INSR: variants seen among roughly 807,000 people sequenced by gnomAD.
INSR encodes the protein IR.
INSR carries 67 observed loss-of-function variants against 142.6 expected under a neutral mutation model. That is an observed-to-expected ratio of 0.47 (90% CI 0.39 to 0.58). The LOEUF is 0.58. Among genes scored for constraint, INSR ranks in the 20% least tolerant of loss-of-function variants. The pLI, the probability that INSR is intolerant of heterozygous loss-of-function variation, is 0.00. For missense variants in INSR, 1,248 were observed against 1,833.2 expected, an observed-to-expected ratio of 0.68 and a Z score of 5.83; for synonymous variants, 756 against 743.1, an observed-to-expected ratio of 1.02 and a Z score of -0.28.
At chr19:7,120,006 A>G (rs1972449077) in intron 20 of INSR, among the ~76,000 whole-genome samples, 1 of 152,312 alleles carries the variant, frequency 6.6e-6, no homozygotes, top group Admixed American at 6.5e-5. Context: ...AGGAAAATCA[A>G]TTTGGGGCTC....
intron 14 of INSR, among the ~76,000 whole-genome samples, chr19:7,130,303 G>C (rs1170587943): frequency 1.3e-5 from 2 of 152,100 alleles, no homozygotes; most frequent in African/African-American, 4.8e-5. Flanking sequence ...ATTAACACAG[G>C]GACAGAAAAC....
At chr19:7,136,366 C>T (rs1303630039) in intron 13 of INSR, among the ~76,000 whole-genome samples, 3 of 152,044 alleles carry the variant, frequency 2.0e-5, no homozygotes, top group Non-Finnish European at 2.9e-5. Context: ...TTTTCTGCTT[C>T]TGTGTCCAAC....
chr19:7,132,154 T>A lies in INSR; in HGVS notation c.2842+4A>T, dbSNP rs369081376. ...AGTCAGCTGAGGCTGCCATGGAGACTTACAATAGTCTGTCACGTAGAAATA... is the reference window on the plus strand; with the variant it reads ...AGTCAGCTGAGGCTGCCATGGAGACATACAATAGTCTGTCACGTAGAAATA... On this transcript the variant is annotated splice_donor_region_variant and intron_variant, in intron 14 of 21. Transcript: ENST00000302850. 5.9e-5 allele frequency: 95 copies of A among 1,613,980 alleles called. No homozygotes were observed. The highest frequency in any genetic ancestry group is 7.8e-5 in the Non-Finnish European group (92 of 1,179,964).
intron 2 of INSR, among the ~76,000 whole-genome samples, chr19:7,222,028 C>CAA (rs10626946): frequency 0.61 from 91,323 of 150,918 alleles, 28,017 homozygotes; most frequent in African/African-American, 0.69. Context: ...ATCCTCCTAG[C>CAA]AATTTTTTCA....
chr19:7,233,555 A>G (rs989143923), intron 2 of INSR, among the ~76,000 whole-genome samples: 2 of 150,358 alleles, frequency 1.3e-5, no homozygotes, highest in African/African-American at 4.9e-5. Context: ...CACACTGCCC[A>G]CTCTGCTGTC....
intron 2 of INSR, among the ~76,000 whole-genome samples, chr19:7,205,002 T>TGAAG (rs60295528): frequency 0.39 from 59,355 of 151,810 alleles, 11,644 homozygotes; most frequent in East Asian, 0.45. Context: ...GAGAATCGCT[T>TGAAG]GAAGCCAGGA....
intron 13 of INSR, among the ~76,000 whole-genome samples, chr19:7,137,833 C>A (rs1972972821): frequency 7.0e-6 from 1 of 142,048 alleles, no homozygotes; most frequent in African/African-American, 2.6e-5. Flanking sequence ...AAGATGCAAC[C>A]GACCCAAAGG....
Position 7,125,234 on chromosome 19 carries a change from AG to A in INSR, c.3258+48del. ...CTGTGCAGGAGGAGGAGGCAGAGAA[AG>A]GGAAGGGTCAGGAAAGCCAGCCCAT... On this transcript the variant is annotated intron_variant, in intron 17 of 21. Coordinates refer to ENST00000302850, the MANE Select transcript of INSR (RefSeq NM_000208.4). This position sits in a 1 kb window ranked among gnomAD's most constrained non-coding sequence, Gnocchi z 4.9. The A allele has an allele frequency of 1.2e-6, 2 of 1,611,880 alleles. No homozygotes were observed. Among genetic ancestry groups the A allele is most frequent in the Non-Finnish European group, 1.7e-6 (2 of 1,179,412 alleles).
intron 2 of INSR, among the ~76,000 whole-genome samples, chr19:7,262,685 G>A (rs1352582360): frequency 3.3e-5 from 5 of 152,166 alleles, no homozygotes; most frequent in Non-Finnish European, 7.3e-5. Flanking sequence ...AAGAATTTCC[G>A]ACACAGGCTA....
At chr19:7,237,090 T>C (rs1010053601) in intron 2 of INSR, among the ~76,000 whole-genome samples, 9 of 146,838 alleles carry the variant, frequency 6.1e-5, no homozygotes, top group Admixed American at 2.1e-4. Flanking sequence ...AGGAAGTGAG[T>C]GAGGGATAAA....
chr19:7,177,641 C>T (rs1405499733), intron 3 of INSR, among the ~76,000 whole-genome samples: 2 of 151,634 alleles, frequency 1.3e-5, no homozygotes, highest in East Asian at 1.9e-4. Flanking sequence ...GATTCTCCTG[C>T]CTCAGCCTCC....
chr19:7,261,108 G>A (rs939691936), intron 2 of INSR, among the ~76,000 whole-genome samples: 1 of 151,924 alleles, frequency 6.6e-6, no homozygotes, highest in African/African-American at 2.4e-5. Context: ...GGCTGGTCTC[G>A]AACTCCTGAG....
chr19:7,256,814 T>C (rs1434004695), intron 2 of INSR, among the ~76,000 whole-genome samples: 1 of 150,760 alleles, frequency 6.6e-6, no homozygotes, highest in Non-Finnish European at 1.5e-5. Flanking sequence ...AGTACAGTTT[T>C]TTTTGTTTGT....
In INSR at chr19:7,150,256, TC is replaced by T. The variant is rs1172216328; in HGVS notation, c.2267+240del. ...CAGGGAGGGGGTACCCAGGAAGCACTCCCATGATTCTATGTTTTAGCAAGAG... is the reference window on the plus strand; with the variant it reads ...CAGGGAGGGGGTACCCAGGAAGCACTCCATGATTCTATGTTTTAGCAAGAG... On this transcript the variant is annotated intron_variant, in intron 11 of 21. Transcript: ENST00000302850. The surrounding 1 kb of genome is among the most constrained non-coding windows in gnomAD (Gnocchi z 4.2). 6.6e-6 allele frequency among the ~76,000 whole-genome samples: 1 copy of T among 152,178 alleles called. No homozygotes were observed. The highest frequency in any genetic ancestry group is 1.5e-5 in the Non-Finnish European group (1 of 68,014).
At chr19:7,217,789 G>A (rs2145090488) in intron 2 of INSR, among the ~76,000 whole-genome samples, 1 of 152,336 alleles carries the variant, frequency 6.6e-6, no homozygotes, top group Non-Finnish European at 1.5e-5. Context: ...TCGATCTCCT[G>A]ACCTCGTGAT....
chr19:7,166,365 C>T lies in INSR; in HGVS notation c.1650G>A (p.Ala550=), dbSNP rs2059806. ...QNVTEFDGQD[A]CGSNSWTVVD... ...CCACCGTCCAACTGTTGGAACCACACGCATCCTGCCCGTCGAACTCCGTCA... is the reference window on the plus strand; with the variant it reads ...CCACCGTCCAACTGTTGGAACCACATGCATCCTGCCCGTCGAACTCCGTCA... Residue 550 remains alanine, a synonymous_variant, in exon 8 of 22, where the codon GCG becomes GCA. Coordinates refer to ENST00000302850, the MANE Select transcript of INSR (RefSeq NM_000208.4). The surrounding 1 kb of genome is among the most constrained non-coding windows in gnomAD (Gnocchi z 4.1). The T allele has an allele frequency of 0.24, 393,283 of 1,613,598 alleles. 48,864 individuals carry two copies. The highest frequency in any genetic ancestry group is 0.28 in the Middle Eastern group (1,704 of 6,058).
chr19:7,224,772 C>T (rs1264129847), intron 2 of INSR, among the ~76,000 whole-genome samples: 1 of 152,120 alleles, frequency 6.6e-6, no homozygotes, highest in Admixed American at 6.6e-5. Flanking sequence ...TCCTGGCTAA[C>T]CAATAGCAGG....
At chr19:7,185,005 A>C (rs1974391318) in intron 2 of INSR, among the ~76,000 whole-genome samples, 2 of 152,210 alleles carry the variant, frequency 1.3e-5, no homozygotes, top group Non-Finnish European at 2.9e-5. Context: ...AAGCTGACAA[A>C]AGATACACAG....
intron 1 of INSR, among the ~76,000 whole-genome samples, chr19:7,271,328 T>C (rs1218505557): frequency 6.6e-6 from 1 of 151,842 alleles, no homozygotes; most frequent in Non-Finnish European, 1.5e-5. Context: ...AAACCCCGTC[T>C]CTACTAAAAA....
Sources: allele counts gnomAD v4.1 joint callset (sites outside exome capture counted in the v4.1 genomes callset), GRCh38; gene constraint gnomAD v4.1.1; non-coding constraint Gnocchi (gnomAD v3.1); transcripts MANE v1.5; gene names NCBI Gene and HGNC (gene_info 2026-07-23, HGNC 2026-07-21).